Variants in ZNF793 observed in about 807,000 individuals in gnomAD.
ZNF793 encodes the protein zinc finger protein 793.
Under a neutral mutation model 12.4 loss-of-function variants are expected in ZNF793, and 5 were observed. That is an observed-to-expected ratio of 0.40 (90% CI 0.21 to 0.84). The LOEUF is 0.84. Among genes scored for constraint, ZNF793 ranks in the 40% least tolerant of loss-of-function variants. The pLI is 0.35. For missense variants in ZNF793, 456 were observed against 495.0 expected (o/e 0.92, Z 0.75); for synonymous variants, 162 against 172.4 (o/e 0.94, Z 0.47).
intron 2 of ZNF793, among the ~76,000 whole-genome samples, chr19:37,509,955 G>A (rs75355140): frequency 6.6e-6 from 1 of 152,190 alleles, no homozygotes; most frequent in African/African-American, 2.4e-5. Flanking sequence ...TATTCATTGG[G>A]GGGGAGGAGC....
At chr19:37,524,197 T>A (rs895456093) in intron 5 of ZNF793, among the ~76,000 whole-genome samples, 2 of 140,982 alleles carry the variant, frequency 1.4e-5, no homozygotes, top group East Asian at 2.1e-4. Context: ...ATAATAATAA[T>A]AAAGGGTTTT....
At chr19:37,516,494 A>C (rs768922992) in intron 2 of ZNF793, among the ~76,000 whole-genome samples, 12 of 152,082 alleles carry the variant, frequency 7.9e-5, no homozygotes, top group Non-Finnish European at 1.6e-4. Context: ...ATATGGTAAA[A>C]TATGGCTTTT....
rs144187893 is a variant in ZNF793 at position 37,516,848 on chromosome 19, G to A, written c.-275-3336G>A. 7.6e-3 allele frequency among the ~76,000 whole-genome samples: 1,163 copies of A among 152,094 alleles called. 13 individuals are homozygous for A. The highest frequency in any genetic ancestry group is 0.027 in the African/African-American group (1,101 of 41,476). ...TTTAGTAGAGATGGGGTTTCACCAT[G>A]TTGGCCAGGCAGGTCTTGAACTCCT... is the stretch of plus-strand genomic sequence containing the variant. On this transcript the variant is annotated intron_variant, in intron 2 of 7. Coordinates refer to ENST00000627814, the MANE Select transcript of ZNF793 (RefSeq NM_001013659.3).
At chr19:37,535,613 C>T (rs1288002291) in intron 7 of ZNF793, 1 of 152,102 alleles carries the variant, frequency 6.6e-6, no homozygotes, top group African/African-American at 2.4e-5. Context: ...CAGCCTCCTC[C>T]TCCTGGGTTC....
chr19:37,533,664 G>A, intron 7 of ZNF793: 1 of 510,244 alleles, frequency 2.0e-6, no homozygotes, highest in Non-Finnish European at 3.5e-6. Context: ...ACAAATAAAA[G>A]CTTCTATGAT....
intron 5 of ZNF793, among the ~76,000 whole-genome samples, chr19:37,526,522 A>ACTGTGCC (rs2042417187): frequency 6.6e-6 from 1 of 152,190 alleles, no homozygotes; most frequent in South Asian, 2.1e-4. Flanking sequence ...AGAGCCTGTC[A>ACTGTGCC]CTGTGCCCTG....
intron 7 of ZNF793, 97 bp from the exon 8 acceptor site, chr19:37,536,800 A>G (rs2042508244): frequency 7.4e-7 from 1 of 1,356,236 alleles, no homozygotes; most frequent in African/African-American, 1.6e-5. Flanking sequence ...GTTATGGTTC[A>G]TGTTCTCTAT....
At chr19:37,515,198 A>G (rs563101071) in intron 2 of ZNF793, among the ~76,000 whole-genome samples, 1 of 152,396 alleles carries the variant, frequency 6.6e-6, no homozygotes, top group South Asian at 2.1e-4. Flanking sequence ...ATAATTGTCT[A>G]TCCCAAAAGC....
intron 5 of ZNF793, among the ~76,000 whole-genome samples, chr19:37,524,017 G>T (rs2042394512): frequency 6.6e-6 from 1 of 151,942 alleles, no homozygotes; most frequent in South Asian, 2.1e-4. Context: ...GGGCATGGTG[G>T]TGGGTGCCTG....
chr19:37,510,235 T>C (rs1178207453), intron 2 of ZNF793, among the ~76,000 whole-genome samples: 1 of 151,892 alleles, frequency 6.6e-6, no homozygotes, highest in African/African-American at 2.4e-5. Context: ...CTGGGCATGT[T>C]GGCTGATGCC....
At position 37,537,570 on chromosome 19, in the gene ZNF793, A is replaced by C. The variant is rs780870370; in HGVS notation, c.912A>C (p.Thr304=). ...CACACCGCACAGAACATCAGAGAAC[A>C]CACACAGGAGAGAGACCCTTTGTCT... ...QKSHRTEHQR[T]HTGERPFVCS... is the part of the protein sequence containing the mutation. The change falls in exon 8 of 8, where the codon ACA becomes ACC. Residue 304 remains threonine (T), a synonymous_variant. Transcript: ENST00000627814. 6.2e-7 allele frequency: 1 copy of C among 1,614,218 alleles called. No individual in the cohort carries two copies. The highest frequency in any genetic ancestry group is 8.5e-7 in the Non-Finnish European group (1 of 1,180,028).
chr19:37,533,145 A>T (rs1222281158), intron 6 of ZNF793, among the ~76,000 whole-genome samples, 163 bp from the exon 7 acceptor site: 2 of 152,094 alleles, frequency 1.3e-5, no homozygotes, highest in African/African-American at 2.4e-5. Flanking sequence ...GTGTGGCTTG[A>T]GTTTCCATGG....
intron 5 of ZNF793, among the ~76,000 whole-genome samples, chr19:37,529,999 C>A (rs931826380): frequency 6.6e-6 from 1 of 151,700 alleles, no homozygotes; most frequent in Non-Finnish European, 1.5e-5. Context: ...GGGTGTTTCT[C>A]GGTGAGGGGG....
Position 37,537,269 on chromosome 19 carries a change from T to C in ZNF793, c.611T>C (p.Met204Thr), listed in dbSNP as rs201677614. 1,208 of 1,613,902 alleles carry C rather than the reference T, an allele frequency of 7.5e-4. 3 individuals are homozygous for C. The highest frequency in any genetic ancestry group is 3.8e-3 in the African/African-American group (283 of 75,056). ...GCTTTCACCCAGAACCCGGCACTTATGTATAAACCAGCAGTAAGTGATTCT... is the reference window on the plus strand; with the variant it reads ...GCTTTCACCCAGAACCCGGCACTTACGTATAAACCAGCAGTAAGTGATTCT... ...EKAFTQNPAL[M>T]YKPAVSDSLL... Residue 204 changes from methionine to threonine, a missense_variant, in exon 8 of 8, where the codon ATG (methionine) becomes ACG (threonine). Physicochemically the swap from Met to Thr is moderately conservative, Grantham distance 81. Transcript: ENST00000627814.
chr19:37,536,453 C>T, intron 7 of ZNF793: 1 of 404,438 alleles, frequency 2.5e-6, no homozygotes, highest in Non-Finnish European at 4.4e-6. Flanking sequence ...AACCTTCTTT[C>T]TTCTGTAACA....
rs1006221967 is a variant in ZNF793 at position 37,542,388 on chromosome 19, T to G, written c.*4509T>G. 1 of 361,050 alleles carries G rather than the reference T, an allele frequency of 2.8e-6. No homozygotes were observed. Among genetic ancestry groups the G allele is most frequent in the Admixed American group, 3.4e-5 (1 of 29,804 alleles). 22.4% of individuals were successfully genotyped at this position (361,050 alleles called of 1,614,324 possible). A position where few individuals can be genotyped will look rare whatever the true frequency, so the allele number is the denominator to read the frequency against. ...AACCTGGGCAACAGAGCAAAAAGATTCCATCTCAAAAGAAAAGAAAAGAAA... is the reference window on the plus strand; with the variant it reads ...AACCTGGGCAACAGAGCAAAAAGATGCCATCTCAAAAGAAAAGAAAAGAAA... On this transcript the variant is annotated 3_prime_UTR_variant, in exon 8 of 8. Transcript: ENST00000627814.
At chr19:37,506,781 G>A (rs913634687), upstream of ZNF793, 1 of 152,160 alleles carries the variant, frequency 6.6e-6, no homozygotes. Context: ...TCCGTTTTAC[G>A]GCACAGTTTT....
At chr19:37,521,733 G>A (rs1396642069) in intron 3 of ZNF793, among the ~76,000 whole-genome samples, 1 of 151,936 alleles carries the variant, frequency 6.6e-6, no homozygotes, top group South Asian at 2.1e-4. Flanking sequence ...GTGAGCCACC[G>A]CACCCAGCCT....
chr19:37,534,015 C>G (rs1405998672), intron 7 of ZNF793: 1 of 153,988 alleles, frequency 6.5e-6, no homozygotes. Context: ...TTCTGGCGCT[C>G]TCTGGAGTGT....
Sources: gnomAD v4.1 joint callset for allele counts (sites outside exome capture counted in the v4.1 genomes callset) on GRCh38, gnomAD v4.1.1 for gene constraint, MANE v1.5 for transcripts, NCBI Gene and HGNC (gene_info 2026-07-23, HGNC 2026-07-21) for gene names.